Variants in CDH23 observed in about 807,000 individuals in gnomAD.
CDH23 encodes the protein cadherin-23.
Under a neutral mutation model 317.1 loss-of-function variants are expected in CDH23, and 189 were observed. The observed-to-expected ratio is 0.60, with a 90% CI of 0.53 to 0.67. The LOEUF is 0.67. Among genes scored for constraint, CDH23 ranks in the 30% least tolerant of loss-of-function variants. The pLI is 0.00. For missense variants in CDH23, 4,401 were observed against 4,592.4 expected, an observed-to-expected ratio of 0.96 and a Z score of 1.20; for synonymous variants, 1,839 against 1,876.8, an observed-to-expected ratio of 0.98 and a Z score of 0.52.
chr10:71,657,678 G>C (rs2132624098), intron 14 of CDH23, among the ~76,000 whole-genome samples: 1 of 152,214 alleles, frequency 6.6e-6, no homozygotes, highest in East Asian at 1.9e-4. Flanking sequence ...AGCCTGCTCA[G>C]CTCTTCCAGC....
intron 12 of CDH23, among the ~76,000 whole-genome samples, chr10:71,644,729 C>A (rs1862744463): frequency 6.6e-6 from 1 of 152,216 alleles, no homozygotes; most frequent in Non-Finnish European, 1.5e-5. Flanking sequence ...GAAAAGGGCC[C>A]ATGTGCCAAG....
intron 41 of CDH23, among the ~76,000 whole-genome samples, chr10:71,780,057 A>G (rs527856843): frequency 6.6e-5 from 10 of 152,226 alleles, no homozygotes; most frequent in Non-Finnish European, 1.0e-4. Context: ...CGCAGCCACA[A>G]CTCAGCTCCT....
rs578187953 is a variant in CDH23, at chr10:71,667,510, C to A, written c.1450-7602C>A. Among the ~76,000 whole-genome samples, 10 of 151,572 alleles carry A rather than the reference C, an allele frequency of 6.6e-5. No individual in the cohort carries two copies. The South Asian group carries it at 1.9e-3, about 28-fold the overall frequency. On this transcript the variant is annotated intron_variant, in intron 14 of 69. Coordinates refer to ENST00000224721, the MANE Select transcript of CDH23 (RefSeq NM_022124.6). ...GAGAGTGTGCAGGGGGTACAGGATG[C>A]AGAAAGTTGTTCGCAGCTGCCTGAG...
Position 71,797,225 on chromosome 10 carries a change from G to A in CDH23, c.6829+5G>A. Reference sequence around the variant, plus strand: ...GCTCTGTCAGTGTGCCAAATGGTAAGGTTCCCTGCAGACATCTCTCATTGG... The same window carrying A: ...GCTCTGTCAGTGTGCCAAATGGTAAAGTTCCCTGCAGACATCTCTCATTGG... On this transcript the variant is annotated splice_donor_5th_base_variant and intron_variant, in intron 49 of 69. Coordinates refer to ENST00000224721, the MANE Select transcript of CDH23 (RefSeq NM_022124.6). The A allele has an allele frequency of 6.3e-7, 1 of 1,598,042 alleles. No individual in the cohort carries two copies. Among genetic ancestry groups the A allele is most frequent in the Non-Finnish European group, 8.6e-7 (1 of 1,167,722 alleles).
chr10:71,629,973 G>T, intron 11 of CDH23, among the ~76,000 whole-genome samples: 1 of 152,098 alleles, frequency 6.6e-6, no homozygotes, highest in African/African-American at 2.4e-5. Context: ...TTAAAATGAT[G>T]ACCTTTATGT....
At chr10:71,445,047 C>T (rs985737076) in intron 2 of CDH23, among the ~76,000 whole-genome samples, 2 of 152,170 alleles carry the variant, frequency 1.3e-5, no homozygotes, top group African/African-American at 4.8e-5. Context: ...CCAAGCTCCC[C>T]AGCCCATGTA....
At chr10:71,802,529 T>C (rs1000096380) in intron 53 of CDH23, among the ~76,000 whole-genome samples, 6 of 152,096 alleles carry the variant, frequency 3.9e-5, no homozygotes, top group African/African-American at 1.2e-4. Context: ...CACTAAGGGA[T>C]AGAGATTAGA....
intron 57 of CDH23, among the ~76,000 whole-genome samples, chr10:71,806,602 CAG>C (rs1841734194): frequency 1.4e-5 from 2 of 139,530 alleles, no homozygotes; most frequent in South Asian, 2.2e-4. Context: ...TTTTTTGAGA[CAG>C]AGTCTCGCTC....
chr10:71,791,392 G>T (rs1841247132), intron 47 of CDH23, 57 bp downstream of exon 47: 4 of 1,482,456 alleles, frequency 2.7e-6, no homozygotes, highest in South Asian at 1.2e-5. Flanking sequence ...GTGGTCACAG[G>T]GGACTGGAGC....
intron 22 of CDH23, among the ~76,000 whole-genome samples, 197 bp downstream of exon 22, chr10:71,695,722 G>A (rs1227028950): frequency 2.0e-5 from 3 of 152,218 alleles, no homozygotes; most frequent in Non-Finnish European, 4.4e-5. Context: ...GCCCTCATCC[G>A]GCCTCCAGTG....
intron 9 of CDH23, among the ~76,000 whole-genome samples, chr10:71,584,577 C>T (rs897621796): frequency 1.7e-4 from 8 of 47,696 alleles, no homozygotes; most frequent in Non-Finnish European, 2.9e-4. Flanking sequence ...TGTGTGTGTA[C>T]GCAGGGAGAA....
chr10:71,468,284 C>G (rs959243437), intron 3 of CDH23, among the ~76,000 whole-genome samples: 3 of 152,202 alleles, frequency 2.0e-5, no homozygotes, highest in Non-Finnish European at 2.9e-5. Context: ...GGACTTGAGC[C>G]TGGGTAATGG....
At chr10:71,770,640 C>T (rs999761959) in intron 38 of CDH23, among the ~76,000 whole-genome samples, 6 of 152,184 alleles carry the variant, frequency 3.9e-5, no homozygotes, top group Non-Finnish European at 8.8e-5. Flanking sequence ...TCACTGCCAA[C>T]GGGTTCTCCT....
At chr10:71,744,021 C>T (rs1839796950) in intron 38 of CDH23, among the ~76,000 whole-genome samples, 1 of 152,178 alleles carries the variant, frequency 6.6e-6, no homozygotes. Flanking sequence ...CAACAGGTTT[C>T]CCAGAACCAC....
chr10:71,704,035 T>G lies in CDH23; in HGVS notation c.2734-876T>G, dbSNP rs556281022. 2.0e-5 allele frequency among the ~76,000 whole-genome samples: 3 copies of G among 152,262 alleles called. No homozygotes were observed. The South Asian group carries it at 6.2e-4, about 32-fold the overall frequency. On this transcript the variant is annotated intron_variant, in intron 24 of 69. Coordinates refer to ENST00000224721, the MANE Select transcript of CDH23 (RefSeq NM_022124.6). ...CTCAGGAGATACAGATTTCTGCTGG[T>G]TGTGGAGAAGAGCGTTCTCCAGGGG...
chr10:71,784,770 C>A, intron 42 of CDH23, 121 bp from the exon 43 acceptor site: 1 of 740,644 alleles, frequency 1.4e-6, no homozygotes, highest in Non-Finnish European at 2.4e-6. Context: ...TCTCTTTCTT[C>A]TCCATGACCA....
intron 14 of CDH23, among the ~76,000 whole-genome samples, chr10:71,668,995 C>T (rs1218827443): frequency 6.6e-6 from 1 of 152,220 alleles, no homozygotes; most frequent in East Asian, 1.9e-4. Context: ...TGGGGAGAAT[C>T]AGAAGGAACG....
rs763906905 is a variant in CDH23 at position 71,777,865 on chromosome 10, C to A, written c.5031C>A (p.Gly1677=). Residue 1677 remains glycine, a synonymous_variant, in exon 39 of 70, where the codon GGC becomes GGA. Transcript: ENST00000224721. ...CAGTCACCTATGCCATCGTCGCAGG[C>A]AACATCGTCAACACCTTCCGCATCG... The part of the protein sequence containing the change: ...NGTVTYAIVA[G]NIVNTFRIDR... 2 of 1,613,946 alleles carry A rather than the reference C, an allele frequency of 1.2e-6. No individual in the cohort carries two copies.
chr10:71,782,943 A>C (rs1306426155), intron 41 of CDH23, among the ~76,000 whole-genome samples: 5 of 152,132 alleles, frequency 3.3e-5, no homozygotes, highest in Admixed American at 6.5e-5. Context: ...GAGTGTTAGG[A>C]GCTGGGGACA....
Sources: allele counts gnomAD v4.1 joint callset (sites outside exome capture counted in the v4.1 genomes callset), GRCh38; gene constraint gnomAD v4.1.1; transcripts MANE v1.5; gene names NCBI Gene and HGNC (gene_info 2026-07-23, HGNC 2026-07-21).